The following ZNRF3 variants were observed in gnomAD, a reference collection of about 807,000 sequenced individuals.
ZNRF3 encodes E3 ubiquitin-protein ligase ZNRF3.
In ZNRF3, 23 loss-of-function variants were observed where a neutral mutation model predicts 72.5. That is an observed-to-expected ratio of 0.32 (90% CI 0.23 to 0.45). The LOEUF is 0.45. ZNRF3 is among the 20% of genes least tolerant of loss of function. The probability of loss-of-function intolerance (pLI) is 1.00; values close to 1 mark genes in which losing one functional copy is unlikely to be tolerated. For synonymous variants in ZNRF3, 610 were observed against 545.3 expected (o/e 1.12, Z -1.65); for missense variants, 1,169 against 1,272.1 (o/e 0.92, Z 1.23).
intron 2 of ZNRF3, among the ~76,000 whole-genome samples, chr22:29,001,363 T>C (rs1041589770): frequency 3.3e-5 from 5 of 152,106 alleles, no homozygotes; most frequent in African/African-American, 1.2e-4. Flanking sequence ...TTCTTTACTC[T>C]AGACATAAGT....
intron 2 of ZNRF3, among the ~76,000 whole-genome samples, chr22:29,014,751 G>C (rs2036405110): frequency 6.6e-6 from 1 of 152,242 alleles, no homozygotes; most frequent in Admixed American, 6.5e-5. Context: ...CAGTAGAGGA[G>C]ACACAGAGAC....
chr22:28,986,935 C>T, intron 1 of ZNRF3, 141 bp from the exon 2 acceptor site: 1 of 1,148,524 alleles, frequency 8.7e-7, no homozygotes, highest in Non-Finnish European at 1.2e-6. Context: ...TAAAATTCCC[C>T]TTGGGTTGAA....
At chr22:28,997,557 C>T (rs377145663) in intron 2 of ZNRF3, among the ~76,000 whole-genome samples, 147 of 152,222 alleles carry the variant, frequency 9.7e-4, no homozygotes, top group African/African-American at 3.4e-3. Context: ...GCACATTCCT[C>T]TCTCCATCTG....
chr22:29,044,077 C>T (rs994045843), intron 4 of ZNRF3, among the ~76,000 whole-genome samples: 1 of 152,186 alleles, frequency 6.6e-6, no homozygotes, highest in Non-Finnish European at 1.5e-5. Flanking sequence ...ATTTCCTCCT[C>T]ACAAATATTG....
intron 2 of ZNRF3, among the ~76,000 whole-genome samples, chr22:28,990,424 C>G (rs2035933202): frequency 6.6e-6 from 1 of 152,184 alleles, no homozygotes; most frequent in African/African-American, 2.4e-5. Flanking sequence ...GTGGCTCACA[C>G]TTGTAATCCC....
rs2037263866 is a variant in ZNRF3 at position 29,054,452 on chromosome 22, G to A, written c.*830G>A. 6.6e-6 allele frequency: 1 copy of A among 152,370 alleles called. No individual in the cohort carries two copies. The highest frequency in any genetic ancestry group is 1.5e-5 in the Non-Finnish European group (1 of 68,104). 9.4% of individuals were successfully genotyped at this position (152,370 alleles called of 1,614,324 possible). On this transcript the variant is annotated 3_prime_UTR_variant, in exon 9 of 9. Transcript: ENST00000544604. Reference sequence around the variant, plus strand: ...GTTCACAGCCCTGGTCTTGGCTGAGGTCCAGGTCATAGTAAGGGCATGTTC... The same window carrying A: ...GTTCACAGCCCTGGTCTTGGCTGAGATCCAGGTCATAGTAAGGGCATGTTC...
At chr22:29,053,457 C>A in intron 8 of ZNRF3, 122 bp from the exon 9 acceptor site, 1 of 853,144 alleles carries the variant, frequency 1.2e-6, no homozygotes, top group Non-Finnish European at 1.8e-6. Flanking sequence ...CAGGAACCTG[C>A]TTCAGCCCTT....
chr22:28,933,748 A>ACTCCCTCT (rs1325105629), intron 1 of ZNRF3, among the ~76,000 whole-genome samples: 1 of 5,714 alleles, frequency 1.8e-4, no homozygotes, highest in African/African-American at 3.1e-4. Flanking sequence ...ACACACACAC[A>ACTCCCTCT]CTCACTCTCT....
intron 2 of ZNRF3, among the ~76,000 whole-genome samples, chr22:29,037,793 C>T (rs1200814832): frequency 6.6e-6 from 1 of 152,094 alleles, no homozygotes; most frequent in Non-Finnish European, 1.5e-5. Context: ...CCTGCCCTGG[C>T]CTGAGCAAGG....
At chr22:28,901,380 C>G (rs966949557) in intron 1 of ZNRF3, among the ~76,000 whole-genome samples, 1 of 152,202 alleles carries the variant, frequency 6.6e-6, no homozygotes, top group Non-Finnish European at 1.5e-5. Context: ...AGTTGTTCCC[C>G]CTTCTCTAAT....
At chr22:28,900,988 G>A (rs2034091454) in intron 1 of ZNRF3, among the ~76,000 whole-genome samples, 1 of 152,038 alleles carries the variant, frequency 6.6e-6, no homozygotes, top group Non-Finnish European at 1.5e-5. Flanking sequence ...GTGCACATCT[G>A]TAGTCTTAGC....
intron 1 of ZNRF3, among the ~76,000 whole-genome samples, chr22:28,897,359 C>T (rs1487349196): frequency 6.6e-6 from 1 of 152,200 alleles, no homozygotes; most frequent in Non-Finnish European, 1.5e-5. Context: ...CTCTGTCACC[C>T]ACCCAGGCTG....
At chr22:29,024,009 G>A (rs1414364358) in intron 2 of ZNRF3, among the ~76,000 whole-genome samples, 1 of 152,164 alleles carries the variant, frequency 6.6e-6, no homozygotes, top group Non-Finnish European at 1.5e-5. Flanking sequence ...AAGCACCCTG[G>A]ATCATGACCC....
chr22:28,906,393 G>A (rs758111448), intron 1 of ZNRF3, among the ~76,000 whole-genome samples: 1 of 152,186 alleles, frequency 6.6e-6, no homozygotes, highest in Non-Finnish European at 1.5e-5. Flanking sequence ...GAGCTGACCA[G>A]ATTCTTGCCA....
At position 29,057,202 on chromosome 22, in the gene ZNRF3, T is replaced by C. The variant is rs1374626029; in HGVS notation, c.*3580T>C. On this transcript the variant is annotated 3_prime_UTR_variant, in exon 9 of 9. Coordinates refer to ENST00000544604, the MANE Select transcript of ZNRF3 (RefSeq NM_001206998.2). ...AAGCTAGAAGACAACTTATGTATAT[T>C]CTGTATATGTATAGCAGCACATTTC... The C allele has an allele frequency of 2.0e-5, 3 of 152,236 alleles. No individual in the cohort carries two copies. Among genetic ancestry groups the C allele is most frequent in the Non-Finnish European group, 4.4e-5 (3 of 68,038 alleles). 9.4% of individuals were successfully genotyped at this position (152,236 alleles called of 1,614,324 possible).
intron 1 of ZNRF3, among the ~76,000 whole-genome samples, chr22:28,888,915 A>T: frequency 6.6e-6 from 1 of 152,124 alleles, no homozygotes. Flanking sequence ...CAGGAGTTCG[A>T]GACCAGCCTG....
intron 2 of ZNRF3, among the ~76,000 whole-genome samples, chr22:28,987,628 G>C (rs944903957): frequency 1.3e-5 from 2 of 152,166 alleles, no homozygotes; most frequent in Non-Finnish European, 2.9e-5. Context: ...CAAGAGACAT[G>C]GGGAGGCACT....
chr22:28,955,043 T>G (rs920988662), intron 1 of ZNRF3, among the ~76,000 whole-genome samples: 6 of 148,114 alleles, frequency 4.1e-5, no homozygotes, highest in African/African-American at 7.5e-5. Context: ...TTTTTTTTTT[T>G]TTGTTTTTTT....
chr22:28,961,265 A>C (rs1226322334), intron 1 of ZNRF3, among the ~76,000 whole-genome samples: 3 of 152,130 alleles, frequency 2.0e-5, no homozygotes, highest in Non-Finnish European at 4.4e-5. Context: ...TAATACCATC[A>C]CCTTGGGGGT....
Sources: allele counts gnomAD v4.1 joint callset (sites outside exome capture counted in the v4.1 genomes callset), GRCh38; gene constraint gnomAD v4.1.1; transcripts MANE v1.5; gene names NCBI Gene and HGNC (gene_info 2026-07-23, HGNC 2026-07-21).